The following MACROD2 variants were observed in gnomAD, a reference collection of about 807,000 sequenced individuals.
The protein encoded by MACROD2 is ADP-ribose glycohydrolase MACROD2.
Under a neutral mutation model 70.4 loss-of-function variants are expected in MACROD2, and 36 were observed. The observed-to-expected ratio is 0.51, with a 90% CI of 0.39 to 0.68. The LOEUF is 0.68. Among genes scored for constraint, MACROD2 ranks in the 30% least tolerant of loss-of-function variants. The pLI is 0.00. For missense variants in MACROD2, 496 were observed against 538.4 expected, an observed-to-expected ratio of 0.92 and a Z score of 0.78; for synonymous variants, 172 against 178.8, an observed-to-expected ratio of 0.96 and a Z score of 0.30.
intron 6 of MACROD2, among the ~76,000 whole-genome samples, chr20:15,292,072 C>T (rs917558805): frequency 3.3e-5 from 5 of 152,078 alleles, no homozygotes; most frequent in Admixed American, 1.3e-4. Context: ...ATAGAGGTCT[C>T]GCTTTGCTGC....
At chr20:14,215,602 G>A (rs2081614810) in intron 3 of MACROD2, among the ~76,000 whole-genome samples, 1 of 152,020 alleles carries the variant, frequency 6.6e-6, no homozygotes, top group African/African-American at 2.4e-5. Context: ...TTTCCATAGC[G>A]GCTGTACTAG....
At chr20:15,242,197 G>C (rs1012484297) in intron 6 of MACROD2, among the ~76,000 whole-genome samples, 3 of 152,156 alleles carry the variant, frequency 2.0e-5, no homozygotes, top group African/African-American at 7.2e-5. Flanking sequence ...GTCTAATCAT[G>C]AGAAACTATA....
chr20:14,593,985 C>T (rs1163225730), intron 4 of MACROD2, among the ~76,000 whole-genome samples: 1 of 152,110 alleles, frequency 6.6e-6, no homozygotes, highest in Admixed American at 6.6e-5. Context: ...CTAGGCATGA[C>T]TAGTAGATAG....
At chr20:15,948,133 G>A (rs564259638) in intron 12 of MACROD2, among the ~76,000 whole-genome samples, 1 of 152,158 alleles carries the variant, frequency 6.6e-6, no homozygotes, top group East Asian at 1.9e-4. Context: ...AAGCCTAGCT[G>A]GGAAGGTGAC....
chr20:15,107,337 T>C (rs1469100988), intron 5 of MACROD2, among the ~76,000 whole-genome samples: 1 of 152,054 alleles, frequency 6.6e-6, no homozygotes, highest in African/African-American at 2.4e-5. Context: ...TCTAGGAAGC[T>C]GAGCTGACAC....
intron 5 of MACROD2, among the ~76,000 whole-genome samples, chr20:15,060,359 C>T (rs938907679): frequency 6.6e-6 from 1 of 152,316 alleles, no homozygotes; most frequent in East Asian, 1.9e-4. Context: ...TGATCTTACT[C>T]TCCTCCACCC....
chr20:14,515,498 C>CAT (rs1555798347), intron 4 of MACROD2, among the ~76,000 whole-genome samples: 1 of 150,414 alleles, frequency 6.6e-6, no homozygotes, highest in South Asian at 2.1e-4. Flanking sequence ...CACACACACA[C>CAT]GATGGAATAT....
intron 8 of MACROD2, among the ~76,000 whole-genome samples, chr20:15,839,932 A>G (rs4814406): frequency 0.053 from 8,009 of 152,272 alleles, 360 homozygotes; most frequent in East Asian, 0.21. Flanking sequence ...TCCCTCATCT[A>G]TGAAATAGAA....
intron 7 of MACROD2, among the ~76,000 whole-genome samples, chr20:15,488,398 C>G (rs539496946): frequency 6.6e-6 from 1 of 152,062 alleles, no homozygotes; most frequent in South Asian, 2.1e-4. Context: ...GCTTTGAGCC[C>G]GAAGGTGGAA....
intron 2 of MACROD2, among the ~76,000 whole-genome samples, chr20:14,058,903 A>C (rs1430309966): frequency 6.6e-6 from 1 of 151,896 alleles, no homozygotes; most frequent in Non-Finnish European, 1.5e-5. Context: ...CAGCCTCCCA[A>C]AGTGCTGGGA....
intron 2 of MACROD2, among the ~76,000 whole-genome samples, chr20:14,022,852 C>T (rs1184345480): frequency 6.6e-6 from 1 of 152,168 alleles, no homozygotes; most frequent in African/African-American, 2.4e-5. Flanking sequence ...CGTTGATGGG[C>T]ATTTGGGTTG....
At chr20:15,571,309 T>G (rs941618159) in intron 8 of MACROD2, among the ~76,000 whole-genome samples, 11 of 152,110 alleles carry the variant, frequency 7.2e-5, no homozygotes, top group Non-Finnish European at 1.3e-4. Flanking sequence ...GAGACAGAAA[T>G]GATTATTTTC....
chr20:15,767,031 G>A (rs2051539155), intron 8 of MACROD2, among the ~76,000 whole-genome samples: 1 of 152,200 alleles, frequency 6.6e-6, no homozygotes, highest in Non-Finnish European at 1.5e-5. Flanking sequence ...ATTCAAGGAA[G>A]GAGCTCTCAC....
At chr20:15,813,147 A>G (rs1297163758) in intron 8 of MACROD2, among the ~76,000 whole-genome samples, 1 of 152,160 alleles carries the variant, frequency 6.6e-6, no homozygotes, top group African/African-American at 2.4e-5. Context: ...CCCTCCCCAA[A>G]AAAAGCACAA....
At chr20:14,967,194 G>C (rs1482528008) in intron 5 of MACROD2, among the ~76,000 whole-genome samples, 1 of 152,016 alleles carries the variant, frequency 6.6e-6, no homozygotes, top group Non-Finnish European at 1.5e-5. Flanking sequence ...TGTTAGTTTT[G>C]TTTGTTTGTT....
intron 3 of MACROD2, among the ~76,000 whole-genome samples, chr20:14,403,248 C>A (rs1188007002): frequency 6.6e-6 from 1 of 152,146 alleles, no homozygotes; most frequent in African/African-American, 2.4e-5. Flanking sequence ...CAAACACTGA[C>A]ATTGCCATGT....
intron 5 of MACROD2, among the ~76,000 whole-genome samples, chr20:14,869,904 G>A (rs1413391897): frequency 6.6e-6 from 1 of 152,104 alleles, no homozygotes; most frequent in Non-Finnish European, 1.5e-5. Flanking sequence ...GGCAGTAACT[G>A]CACCATACAA....
At chr20:14,251,888 T>A (rs577210800) in intron 3 of MACROD2, among the ~76,000 whole-genome samples, 1 of 152,196 alleles carries the variant, frequency 6.6e-6, no homozygotes, top group Non-Finnish European at 1.5e-5. Context: ...ATCTATTAAT[T>A]TACCTTCTTG....
Position 15,081,315 on chromosome 20 carries a change from T to A in MACROD2, c.419-148625T>A, listed in dbSNP as rs138319439. Among the ~76,000 whole-genome samples, 431 of 152,340 alleles carry A rather than the reference T, an allele frequency of 2.8e-3. 8 individuals are homozygous for A. In the East Asian group the frequency reaches 0.051, roughly 18 times the overall value. ...CATTACAACAACTGAGTTGAGTAGT[T>A]CTGACAGAGATTTTTATGGGATGCA... On this transcript the variant is annotated intron_variant, in intron 5 of 17. Coordinates refer to ENST00000684519, the MANE Select transcript of MACROD2 (RefSeq NM_001351661.2).
Sources: allele counts gnomAD v4.1 joint callset (sites outside exome capture counted in the v4.1 genomes callset), GRCh38; gene constraint gnomAD v4.1.1; transcripts MANE v1.5; gene names NCBI Gene and HGNC (gene_info 2026-07-23, HGNC 2026-07-21).